Variants in HDLBP observed in about 807,000 individuals in gnomAD.
HDLBP encodes the protein vigilin.
In HDLBP, 30 loss-of-function variants were observed where a neutral mutation model predicts 137.3. That is an observed-to-expected ratio of 0.22 (90% confidence interval 0.16 to 0.30). The LOEUF (loss-of-function observed/expected upper bound fraction) is 0.30. HDLBP is among the 10% of genes least tolerant of loss of function. The pLI is 1.00. For missense variants in HDLBP, 1,119 were observed against 1,667.3 expected (o/e 0.67, Z 5.73); for synonymous variants, 606 against 596.0 (o/e 1.02, Z -0.24).
rs1375079473 is a variant in HDLBP at position 241,264,488 on chromosome 2, C to T, written c.194G>A (p.Gly65Glu). 6.2e-7 allele frequency: 1 copy of T among 1,613,224 alleles called. No individual in the cohort carries two copies. Among genetic ancestry groups the T allele is most frequent in the Admixed American group, 1.7e-5 (1 of 60,008 alleles). Residue 65 changes from glycine (G) to glutamate (E), a missense_variant, in exon 4 of 28, where the codon GGG becomes GAG. By Grantham distance (98) the Gly-to-Glu change is moderately conservative. Transcript: ENST00000310931. ...ESAQEPAGAW[G>E]NKIRPIKASV... ...AGCCTTGATGGGTCGGATCTTGTTC[C>T]CCCAGGCTCCAGCGGGTTCCTGGGC...
chr2:241,246,981 A>T (rs2071730568), intron 15 of HDLBP, 75 bp downstream of exon 15: 1 of 1,563,318 alleles, frequency 6.4e-7, no homozygotes, highest in Non-Finnish European at 8.8e-7. Flanking sequence ...AGTCCCTCCT[A>T]GTCTAAAACC....
chr2:241,299,910 G>T (rs370009965), intron 1 of HDLBP, among the ~76,000 whole-genome samples: 1 of 84,886 alleles, frequency 1.2e-5, no homozygotes, highest in Non-Finnish European at 2.5e-5. Context: ...GCGAGATTCC[G>T]TCTCAAACAA....
intron 23 of HDLBP, among the ~76,000 whole-genome samples, chr2:241,234,670 A>C (rs1314119951): frequency 2.0e-5 from 3 of 152,198 alleles, no homozygotes; most frequent in African/African-American, 7.2e-5. Context: ...CCGCTCATAC[A>C]ATCCTTCAAA....
At chr2:241,232,432 C>T (rs140789776) in intron 24 of HDLBP, among the ~76,000 whole-genome samples, 2,223 of 152,256 alleles carry the variant, frequency 0.015, 30 homozygotes, top group Middle Eastern at 0.024. Context: ...CACGCGACCA[C>T]GCCTGGCTAA....
At chr2:241,267,499 G>A in intron 2 of HDLBP, 1 of 1,364,722 alleles carries the variant, frequency 7.3e-7, no homozygotes, top group Non-Finnish European at 1.0e-6. Flanking sequence ...GCCTGACCCA[G>A]GCTCCAGGCA....
intron 7 of HDLBP, 87 bp from the exon 8 acceptor site, chr2:241,255,667 C>T: frequency 1.0e-6 from 1 of 986,846 alleles, no homozygotes; most frequent in Non-Finnish European, 1.6e-6. Context: ...GAAAGCAAGC[C>T]AAAGCGGCCC....
At chr2:241,234,467 G>A (rs3755326) in intron 23 of HDLBP, among the ~76,000 whole-genome samples, 9,750 of 152,266 alleles carry the variant, frequency 0.064, 378 homozygotes, top group Middle Eastern at 0.14. Flanking sequence ...GACACCATGT[G>A]AGGTTCACGA....
intron 5 of HDLBP, among the ~76,000 whole-genome samples, chr2:241,257,299 C>G (rs1446271368): frequency 6.6e-6 from 1 of 152,230 alleles, no homozygotes; most frequent in Non-Finnish European, 1.5e-5. Context: ...GTGGTGCCAT[C>G]TTGGCTCACT....
At chr2:241,264,223 G>C (rs1055872502) in intron 4 of HDLBP, among the ~76,000 whole-genome samples, 1 of 151,598 alleles carries the variant, frequency 6.6e-6, no homozygotes, top group Non-Finnish European at 1.5e-5. Context: ...TTAGCCGGGC[G>C]TGGTGGCGGG....
In HDLBP at chr2:241,292,260, GA is replaced by G. The variant is rs1378620775; in HGVS notation, c.-103+23309del. Among the ~76,000 whole-genome samples, 3 of 150,374 alleles carry G rather than the reference GA, an allele frequency of 2.0e-5. No homozygotes were observed. The South Asian group carries it at 6.3e-4, about 31-fold the overall frequency. On this transcript the variant is annotated intron_variant, in intron 1 of 27. Transcript: ENST00000310931. Reference sequence around the variant, plus strand: ...CTAGCTACAGGAAGTATGAGGATTAGAAAAACACATTAGATAGTGCCACAAC... The same window carrying G: ...CTAGCTACAGGAAGTATGAGGATTAGAAAACACATTAGATAGTGCCACAAC...
intron 24 of HDLBP, among the ~76,000 whole-genome samples, chr2:241,232,481 G>C (rs555119325): frequency 6.6e-6 from 1 of 152,254 alleles, no homozygotes; most frequent in African/African-American, 2.4e-5. Context: ...TCGCCATGTT[G>C]GTCAGGTTGG....
chr2:241,272,401 G>T lies in HDLBP; in HGVS notation c.-102-3860C>A, dbSNP rs1473933179. 3 of 984,682 alleles carry T rather than the reference G, an allele frequency of 3.0e-6. No homozygotes were observed. Among genetic ancestry groups the T allele is most frequent in the Non-Finnish European group, 3.6e-6 (3 of 829,708 alleles). The allele number at this position is 984,682 out of a possible 1,614,324, so 61.0% of individuals were successfully genotyped here. A position where few individuals can be genotyped will look rare whatever the true frequency, so the allele number is the denominator to read the frequency against. On this transcript the variant is annotated intron_variant, in intron 1 of 27. Transcript: ENST00000310931. The surrounding 1 kb of genome is among the most constrained non-coding windows in gnomAD (Gnocchi z 5.6). The stretch of plus-strand genomic sequence containing the variant: ...CCGCCCCTCCGCGCCGTGCGGCCAC[G>T]GCACCAGGGGTGCCCCACCGAAGCC...
At chr2:241,296,938 G>A (rs1010232530) in intron 1 of HDLBP, among the ~76,000 whole-genome samples, 5 of 152,258 alleles carry the variant, frequency 3.3e-5, no homozygotes, top group Admixed American at 2.0e-4. Flanking sequence ...GGAAGAACAC[G>A]AGTGTGCGTC....
At chr2:241,270,771 C>T (rs979164317) in intron 1 of HDLBP, among the ~76,000 whole-genome samples, 1 of 152,198 alleles carries the variant, frequency 6.6e-6, no homozygotes, top group African/African-American at 2.4e-5. Context: ...AATCCTGTTC[C>T]ATGTGGATCT....
intron 1 of HDLBP, among the ~76,000 whole-genome samples, chr2:241,310,565 T>TAAAAAC (rs1328402567): frequency 6.6e-6 from 1 of 151,288 alleles, no homozygotes; most frequent in African/African-American, 2.4e-5. Flanking sequence ...ATTTAAAAGA[T>TAAAAAC]AAAAACAAAA....
chr2:241,255,198 A>T (rs781245605), intron 8 of HDLBP, 40 bp from the exon 9 acceptor site: 1 of 1,583,132 alleles, frequency 6.3e-7, no homozygotes, highest in Admixed American at 1.7e-5. Flanking sequence ...TGCAGAGCTC[A>T]AGGTCGTGTC....
intron 1 of HDLBP, among the ~76,000 whole-genome samples, chr2:241,294,589 G>A (rs1458235492): frequency 4.6e-5 from 7 of 151,964 alleles, no homozygotes; most frequent in African/African-American, 1.7e-4. Context: ...GACTCCTAAG[G>A]CGCTGCGACT....
rs367709864 is a variant in HDLBP, at chr2:241,239,864, G to A, written c.2391+37C>T. The A allele has an allele frequency of 2.8e-4, 447 of 1,611,780 alleles. 1 individual carries two copies. The highest frequency in any genetic ancestry group is 3.7e-4 in the Non-Finnish European group (431 of 1,178,226). ...ATGGAAGATAAGCCACCCCATCACG[G>A]CCCCAGCAGAGTCGGCCGCCGAGGC... On this transcript the variant is annotated intron_variant, in intron 18 of 27. Coordinates refer to ENST00000310931, the MANE Select transcript of HDLBP (RefSeq NM_005336.6). This position sits in a 1 kb window ranked among gnomAD's most constrained non-coding sequence, Gnocchi z 4.6.
chr2:241,299,505 CAAAAAAAAAAAAAAA>C (rs11423330), intron 1 of HDLBP, among the ~76,000 whole-genome samples: 6 of 49,596 alleles, frequency 1.2e-4, no homozygotes, highest in Non-Finnish European at 1.8e-4. Context: ...GGCTCCGTCT[CAAAAAAAAAAAAAAA>C]AAAAAAAAAA....
Sources: gnomAD v4.1 joint callset for allele counts (sites outside exome capture counted in the v4.1 genomes callset) on GRCh38, gnomAD v4.1.1 for gene constraint, Gnocchi (gnomAD v3.1) non-coding constraint, MANE v1.5 for transcripts, NCBI Gene and HGNC (gene_info 2026-07-23, HGNC 2026-07-21) for gene names.